The following MPP2 variants were observed in gnomAD, a reference collection of about 807,000 sequenced individuals.
MPP2 encodes the protein MAGUK p55 subfamily member 2.
A neutral mutation model predicts 58.5 loss-of-function variants in MPP2; 42 were observed. The ratio of observed to expected loss-of-function variants is 0.72; its 90% CI spans 0.56 to 0.93. The LOEUF is 0.93. Among genes scored for constraint, MPP2 ranks in the 40% least tolerant of loss-of-function variants. The pLI, the probability that MPP2 is intolerant of heterozygous loss-of-function variation, is 0.00. For synonymous variants in MPP2, 300 were observed against 307.8 expected (o/e 0.97, Z 0.26); for missense variants, 632 against 760.4 (o/e 0.83, Z 1.99).
At chr17:43,888,774 G>A (rs775357631) in intron 3 of MPP2, among the ~76,000 whole-genome samples, 8 of 152,104 alleles carry the variant, frequency 5.3e-5, no homozygotes, top group Non-Finnish European at 8.8e-5. Context: ...TTCCCACCAT[G>A]GGCTAATCCA....
rs935555535 is a variant in MPP2 at position 43,880,793 on chromosome 17, G to A, written c.1048C>T (p.Arg350Trp). ...EEVARMPPFR[R>W]KTLVLIGAQG... ...GCCCCAATCAGTACCAGGGTTTTCC[G>A]GCGGAACGGGGGCATGCGGGCCACC... The change falls in exon 10 of 13, where the codon CGG becomes TGG. Residue 350 changes from arginine (R) to tryptophan (W), a missense_variant. Arg to Trp is a moderately radical substitution (Grantham distance 101). Transcript: ENST00000269095. The surrounding 1 kb of genome is among the most constrained non-coding windows in gnomAD (Gnocchi z 5.2). The A allele has an allele frequency of 6.8e-6, 11 of 1,613,500 alleles. No individual in the cohort carries two copies. The highest frequency in any genetic ancestry group is 2.2e-5 in the East Asian group (1 of 44,870).
intron 3 of MPP2, among the ~76,000 whole-genome samples, chr17:43,885,629 T>C (rs2047333217): frequency 6.6e-6 from 1 of 152,230 alleles, no homozygotes; most frequent in South Asian, 2.1e-4. Flanking sequence ...AACATCAGTA[T>C]ATTTACTTAT....
intron 2 of MPP2, 152 bp from the exon 3 acceptor site, chr17:43,898,532 C>T (rs2047950874): frequency 8.2e-6 from 5 of 606,696 alleles, no homozygotes; most frequent in South Asian, 7.7e-5. Flanking sequence ...GCACAGGCAC[C>T]CCAGGCCCTT....
chr17:43,882,535 AT>A, intron 5 of MPP2, 24 bp from the exon 6 acceptor site: 7 of 1,596,106 alleles, frequency 4.4e-6, no homozygotes, highest in Non-Finnish European at 6.0e-6. Context: ...GGAGTGTAAG[AT>A]GAGGCCCCAA....
intron 3 of MPP2, among the ~76,000 whole-genome samples, chr17:43,893,085 G>A (rs2047677752): frequency 6.6e-6 from 1 of 152,190 alleles, no homozygotes; most frequent in African/African-American, 2.4e-5. Flanking sequence ...CATCATTAGA[G>A]AGCTGTCGAG....
intron 3 of MPP2, among the ~76,000 whole-genome samples, chr17:43,892,976 G>C (rs2047669500): frequency 6.6e-6 from 1 of 150,482 alleles, no homozygotes; most frequent in African/African-American, 2.5e-5. Context: ...GTGCAAAATA[G>C]GTATTTGATG....
chr17:43,882,945 A>G lies in MPP2; in HGVS notation c.411T>C (p.Ala137=). The change falls in exon 5 of 13, where the codon GCT becomes GCC. Residue 137 remains alanine, a synonymous_variant. Coordinates refer to ENST00000269095, the MANE Select transcript of MPP2 (RefSeq NM_005374.5). Reference sequence around the variant, plus strand: ...TCTTGCGGATGCCCACCATGCGCACAGCATCGGGAGGTACAGGCTGGTTGC... The same window carrying G: ...TCTTGCGGATGCCCACCATGCGCACGGCATCGGGAGGTACAGGCTGGTTGC... The part of the protein sequence containing the change: ...TFSNQPVPPD[A]VRMVGIRKTA... 2 of 1,614,170 alleles carry G rather than the reference A, an allele frequency of 1.2e-6. No homozygotes were observed. Among genetic ancestry groups the G allele is most frequent in the Non-Finnish European group, 1.7e-6 (2 of 1,180,038 alleles).
At position 43,885,394 on chromosome 17, in the gene MPP2, G is replaced by A. The variant is rs1176445980; in HGVS notation, c.151-2039C>T. On this transcript the variant is annotated intron_variant, in intron 3 of 12. Coordinates refer to ENST00000269095, the MANE Select transcript of MPP2 (RefSeq NM_005374.5). ...TCATCTGATGCATTCCCTACCCCAG[G>A]TCTGGAATCAGCAATTTCTCCAAGG... Among the ~76,000 whole-genome samples, 9 of 152,134 alleles carry A rather than the reference G, an allele frequency of 5.9e-5. No homozygotes were observed. In the East Asian group the frequency reaches 1.7e-3, roughly 29 times the overall value.
Position 43,879,678 on chromosome 17 carries a change from G to A in MPP2, c.1353+104C>T. The A allele has an allele frequency of 7.6e-7, 1 of 1,320,168 alleles. No homozygotes were observed. The highest frequency in any genetic ancestry group is 1.1e-6 in the Non-Finnish European group (1 of 952,314). 81.8% of individuals were successfully genotyped at this position (1,320,168 alleles called of 1,614,324 possible). ...CTAGCAGTAGTTGAGGGCAAAGGGG[G>A]TACATGGGCGTGTTCAGGTGACAGG... is the stretch of plus-strand genomic sequence containing the variant. On this transcript the variant is annotated intron_variant, in intron 11 of 12. Transcript: ENST00000269095. The surrounding 1 kb of genome is among the most constrained non-coding windows in gnomAD (Gnocchi z 4.1).
intron 2 of MPP2, among the ~76,000 whole-genome samples, chr17:43,903,716 G>A (rs1047886198): frequency 3.0e-4 from 45 of 152,150 alleles, no homozygotes; most frequent in African/African-American, 8.9e-4. Context: ...TGGTGGCAGC[G>A]GCAGCAACAG....
intron 1 of MPP2, among the ~76,000 whole-genome samples, chr17:43,906,794 C>T (rs977971916): frequency 1.3e-5 from 2 of 152,058 alleles, no homozygotes; most frequent in East Asian, 1.9e-4. Flanking sequence ...GCGCGCCCGC[C>T]GGAGACCAGG....
At chr17:43,891,540 A>G (rs1051771696) in intron 3 of MPP2, among the ~76,000 whole-genome samples, 9 of 151,560 alleles carry the variant, frequency 5.9e-5, no homozygotes, top group Non-Finnish European at 7.4e-5. Flanking sequence ...TTACACTTCC[A>G]TAACCTCCAC....
At chr17:43,898,918 T>C (rs186911129) in intron 2 of MPP2, among the ~76,000 whole-genome samples, 83 of 152,170 alleles carry the variant, frequency 5.5e-4, no homozygotes, top group Non-Finnish European at 1.0e-3. Context: ...TGAGCTGAGA[T>C]CACGCCACTG....
At chr17:43,890,534 C>G (rs926411243) in intron 3 of MPP2, among the ~76,000 whole-genome samples, 1 of 152,190 alleles carries the variant, frequency 6.6e-6, no homozygotes, top group African/African-American at 2.4e-5. Context: ...CACTCCAACC[C>G]CCCGATCATG....
intron 2 of MPP2, among the ~76,000 whole-genome samples, chr17:43,904,053 C>G (rs756019677): frequency 6.6e-6 from 1 of 152,196 alleles, no homozygotes; most frequent in African/African-American, 2.4e-5. Flanking sequence ...TGCTGTAATC[C>G]CTCCACCCCC....
At position 43,879,328 on chromosome 17, in the gene MPP2, G is replaced by A. The variant is rs755167439; in HGVS notation, c.1429C>T (p.Arg477Trp). ...TCCAGCGCAGCCCTGTTCATGGCCC[G>A]CAGGGTCTCGAAGTCTGGGGCCTCG... ...FIEAPDFETL[R>W]AMNRAALESG... Residue 477 changes from arginine (R) to tryptophan (W), a missense_variant, in exon 12 of 13, where the codon CGG becomes TGG. Physicochemically the swap from Arg to Trp is moderately radical, Grantham distance 101. Coordinates refer to ENST00000269095, the MANE Select transcript of MPP2 (RefSeq NM_005374.5). The surrounding 1 kb of genome is among the most constrained non-coding windows in gnomAD (Gnocchi z 4.1). 19 of 1,613,984 alleles carry A rather than the reference G, an allele frequency of 1.2e-5. No individual in the cohort carries two copies. Among genetic ancestry groups the A allele is most frequent in the South Asian group, 3.3e-5 (3 of 91,076 alleles).
rs764156245 is a variant in MPP2 at position 43,880,761 on chromosome 17, G to A, written c.1080C>T (p.Gly360=). Residue 360 remains glycine (G), a synonymous_variant, in exon 10 of 13, where the codon GGC becomes GGT. Transcript: ENST00000269095. The surrounding 1 kb of genome is among the most constrained non-coding windows in gnomAD (Gnocchi z 5.2). ...TGTTCTTCAGGCTGCGCCGTCCCAC[G>A]CCCTGAGCCCCAATCAGTACCAGGG... ...RKTLVLIGAQ[G]VGRRSLKNKL... 11 of 1,614,024 alleles carry A rather than the reference G, an allele frequency of 6.8e-6. No individual in the cohort carries two copies. The highest frequency in any genetic ancestry group is 1.7e-5 in the Admixed American group (1 of 60,004).
chr17:43,898,171 AT>A, intron 3 of MPP2, 90 bp downstream of exon 3: 1 of 1,002,848 alleles, frequency 1.0e-6, no homozygotes, highest in South Asian at 1.3e-5. Flanking sequence ...CACATGTCCC[AT>A]TCCCAAAGCC....
At chr17:43,884,712 G>A (rs1398880799) in intron 3 of MPP2, among the ~76,000 whole-genome samples, 1 of 152,168 alleles carries the variant, frequency 6.6e-6, no homozygotes. Flanking sequence ...TTCACCAATG[G>A]ATTTAGTGTC....
Sources: gnomAD v4.1 joint callset for allele counts (sites outside exome capture counted in the v4.1 genomes callset) on GRCh38, gnomAD v4.1.1 for gene constraint, Gnocchi (gnomAD v3.1) non-coding constraint, MANE v1.5 for transcripts, NCBI Gene and HGNC (gene_info 2026-07-23, HGNC 2026-07-21) for gene names.